TNNI3K: variants seen among roughly 807,000 people sequenced by gnomAD.
The protein encoded by TNNI3K is TNNI3 interacting kinase, also known as serine/threonine-protein kinase TNNI3K.
Under a neutral mutation model 114.5 loss-of-function variants are expected in TNNI3K, and 140 were observed. The observed-to-expected ratio is 1.22, with a 90% CI of 1.07 to 1.41. The LOEUF (loss-of-function observed/expected upper bound fraction) is 1.41. Among genes scored for constraint, TNNI3K ranks in the 40% most tolerant of loss-of-function variants. TNNI3K has a pLI of 0.00. For synonymous variants in TNNI3K, 347 were observed against 347.5 expected, an observed-to-expected ratio of 1.00 and a Z score of 0.02; for missense variants, 1,125 against 1,007.6, an observed-to-expected ratio of 1.12 and a Z score of -1.58.
Position 74,369,028 on chromosome 1 carries a change from C to A in TNNI3K, c.1328C>A (p.Ala443Glu), listed in dbSNP as rs774773030. The change falls in exon 14 of 25, where the codon GCA becomes GAA. Residue 443 changes from alanine to glutamate, a missense_variant. Coordinates refer to ENST00000326637, the MANE Select transcript of TNNI3K (RefSeq NM_015978.3). ...TGACAATTTCTCTTTGCAGAGAAGGCAGATATTCTCCTCCTAAGAGCTGGA... is the reference window on the plus strand; with the variant it reads ...TGACAATTTCTCTTTGCAGAGAAGGAAGATATTCTCCTCCTAAGAGCTGGA... ...GKIKSMTKEKADILLLRAGLP... is the reference protein window; with the variant it reads ...GKIKSMTKEKEDILLLRAGLP... 8 of 1,600,256 alleles carry A rather than the reference C, an allele frequency of 5.0e-6. No individual in the cohort carries two copies. The highest frequency in any genetic ancestry group is 6.8e-6 in the Non-Finnish European group (8 of 1,175,104).
chr1:74,512,065 C>T (rs879865643), intron 23 of TNNI3K, among the ~76,000 whole-genome samples: 1 of 152,192 alleles, frequency 6.6e-6, no homozygotes. Context: ...AGACCTCAGA[C>T]TCTTCTCTTC....
chr1:74,475,698 G>A (rs1183727533), intron 21 of TNNI3K: 3 of 708,382 alleles, frequency 4.2e-6, no homozygotes, highest in East Asian at 2.7e-5. Flanking sequence ...GAGCACACAG[G>A]GGTTCATCGA....
chr1:74,391,993 T>A (rs960275642), intron 17 of TNNI3K, among the ~76,000 whole-genome samples: 1 of 130,704 alleles, frequency 7.7e-6, no homozygotes, highest in Non-Finnish European at 1.6e-5. Context: ...TGAGACGGAG[T>A]CTCGCTCTGT....
intron 23 of TNNI3K, among the ~76,000 whole-genome samples, chr1:74,523,057 G>A (rs1461767735): frequency 6.6e-6 from 1 of 152,214 alleles, no homozygotes; most frequent in Non-Finnish European, 1.5e-5. Flanking sequence ...GAGCAGAAAA[G>A]CAGTGAGCTT....
intron 2 of TNNI3K, among the ~76,000 whole-genome samples, chr1:74,245,478 A>G (rs1466418174): frequency 1.3e-5 from 2 of 152,186 alleles, no homozygotes; most frequent in Non-Finnish European, 2.9e-5. Flanking sequence ...AAATGAGATC[A>G]TATCCTTGGC....
At chr1:74,386,888 C>T (rs746627142) in intron 17 of TNNI3K, among the ~76,000 whole-genome samples, 20 of 152,096 alleles carry the variant, frequency 1.3e-4, no homozygotes, top group Non-Finnish European at 2.8e-4. Context: ...ACATTGATCT[C>T]ATTTGGACAG....
intron 17 of TNNI3K, among the ~76,000 whole-genome samples, chr1:74,393,211 C>G (rs1430913851): frequency 6.6e-6 from 1 of 151,580 alleles, no homozygotes; most frequent in East Asian, 1.9e-4. Context: ...ATCATTAAAG[C>G]AGTGGAGAAG....
intron 20 of TNNI3K, among the ~76,000 whole-genome samples, chr1:74,440,624 G>T (rs961335804): frequency 1.3e-5 from 2 of 152,054 alleles, no homozygotes; most frequent in Non-Finnish European, 2.9e-5. Context: ...CTGCATAGCA[G>T]AGTGCTTTTC....
At chr1:74,400,473 C>T (rs575402582) in intron 17 of TNNI3K, among the ~76,000 whole-genome samples, 3 of 152,306 alleles carry the variant, frequency 2.0e-5, no homozygotes, top group South Asian at 2.1e-4. Flanking sequence ...ATCTCCTGGG[C>T]GGCCTGAGGC....
At chr1:74,451,877 A>AT (rs1284681324) in intron 20 of TNNI3K, among the ~76,000 whole-genome samples, 1 of 151,544 alleles carries the variant, frequency 6.6e-6, no homozygotes. Context: ...TTCATCTGCC[A>AT]TCACCCTAGT....
intron 3 of TNNI3K, 115 bp from the exon 4 acceptor site, chr1:74,250,557 G>T: frequency 2.3e-6 from 2 of 885,896 alleles, no homozygotes; most frequent in Admixed American, 3.7e-5. Flanking sequence ...ATGGCCTGCA[G>T]AACGCAGCTT....
chr1:74,340,923 A>C (rs1660718122), intron 7 of TNNI3K, among the ~76,000 whole-genome samples: 1 of 152,176 alleles, frequency 6.6e-6, no homozygotes, highest in Non-Finnish European at 1.5e-5. Flanking sequence ...ATTAATAAAA[A>C]AAGATTCAAA....
chr1:74,439,599 T>C lies in TNNI3K; in HGVS notation c.1988T>C (p.Ile663Thr), dbSNP rs771354091. 6 of 1,613,468 alleles carry C rather than the reference T, an allele frequency of 3.7e-6. No homozygotes were observed. In the South Asian group the frequency reaches 6.6e-5, roughly 18 times the overall value. ...CTGTGGGAAATTCTCACTGGCGAAA[T>C]TCCATTCGCTCATCTCAAGCCAGGT... ...LCLWEILTGE[I>T]PFAHLKPAAA... The change falls in exon 20 of 25, where the codon ATT becomes ACT. Residue 663 changes from isoleucine to threonine, a missense_variant. Physicochemically the swap from Ile to Thr is moderately conservative, Grantham distance 89. Transcript: ENST00000326637.
intron 23 of TNNI3K, among the ~76,000 whole-genome samples, chr1:74,529,769 G>A (rs1201710708): frequency 1.3e-5 from 2 of 152,106 alleles, no homozygotes; most frequent in Non-Finnish European, 2.9e-5. Context: ...TAAATGAAAA[G>A]TTTTTTTAAG....
intron 23 of TNNI3K, among the ~76,000 whole-genome samples, chr1:74,505,479 A>G (rs1440266118): frequency 6.6e-6 from 1 of 152,186 alleles, no homozygotes; most frequent in African/African-American, 2.4e-5. Flanking sequence ...AAGAGCAATG[A>G]TTTCTAAATA....
At chr1:74,458,979 A>C (rs1667338388) in intron 20 of TNNI3K, among the ~76,000 whole-genome samples, 2 of 152,144 alleles carry the variant, frequency 1.3e-5, no homozygotes, top group South Asian at 4.1e-4. Context: ...CCCAAAGTTT[A>C]GTTCCCACTT....
intron 20 of TNNI3K, among the ~76,000 whole-genome samples, chr1:74,461,482 GAAA>G (rs745581474): frequency 6.7e-5 from 5 of 74,092 alleles, no homozygotes; most frequent in South Asian, 4.2e-4. Flanking sequence ...TCTGTCTCGA[GAAA>G]AAAAAAAAAA....
intron 21 of TNNI3K, chr1:74,475,453 A>G (rs536932947): frequency 2.8e-5 from 20 of 717,166 alleles, no homozygotes; most frequent in East Asian, 1.9e-4. Flanking sequence ...TTCCGAATGC[A>G]GCAATCTACC....
chr1:74,473,968 G>A (rs1368831716), intron 21 of TNNI3K, among the ~76,000 whole-genome samples: 3 of 152,202 alleles, frequency 2.0e-5, no homozygotes, highest in African/African-American at 7.2e-5. Context: ...ACCGATTTCT[G>A]TTCTGGAGCA....
Sources: allele counts gnomAD v4.1 joint callset (sites outside exome capture counted in the v4.1 genomes callset), GRCh38; gene constraint gnomAD v4.1.1; transcripts MANE v1.5; gene names NCBI Gene and HGNC (gene_info 2026-07-23, HGNC 2026-07-21).